Variants in NEB observed in about 807,000 individuals in gnomAD.
NEB encodes the protein nemaline myopathy type 2.
NEB carries 512 observed loss-of-function variants against 952.2 expected under a neutral mutation model. The ratio of observed to expected loss-of-function variants is 0.54; its 90% CI spans 0.50 to 0.58. The LOEUF (loss-of-function observed/expected upper bound fraction) is 0.58. Ranked by LOEUF, NEB falls within the 20% of genes least tolerant of loss-of-function variation. The pLI is 0.00. For missense variants in NEB, 8,428 were observed against 9,231.1 expected (o/e 0.91, Z 3.56); for synonymous variants, 2,900 against 3,149.8 (o/e 0.92, Z 2.66).
intron 16 of NEB, 65 bp from the exon 17 acceptor site, chr2:151,696,800 C>T: frequency 8.3e-7 from 1 of 1,204,560 alleles, no homozygotes; most frequent in Non-Finnish European, 1.2e-6. Flanking sequence ...GGCCCACAGG[C>T]CAAGCAAATA....
At chr2:151,701,333 G>C (rs1306955536) in intron 13 of NEB, among the ~76,000 whole-genome samples, 1 of 151,696 alleles carries the variant, frequency 6.6e-6, no homozygotes, top group Non-Finnish European at 1.5e-5. Flanking sequence ...TCTCTTTTTT[G>C]GTTGTGTCTC....
rs2099800930 is a variant in NEB, at chr2:151,729,655, T to C, written c.38A>G (p.Tyr13Cys). ...DDEDYEEVVEYYTEEVVYEEV... is the reference protein window; with the variant it reads ...DDEDYEEVVECYTEEVVYEEV... Reference sequence around the variant, plus strand: ...TTCGTAAACCACTTCTTCTGTGTAGTACTGTAAATAGAGCACAAAGGCATT... The same window carrying C: ...TTCGTAAACCACTTCTTCTGTGTAGCACTGTAAATAGAGCACAAAGGCATT... Residue 13 changes from tyrosine (Y) to cysteine (C), a missense_variant and splice_region_variant, in exon 4 of 182, where the codon TAC becomes TGC. By Grantham distance (194) the Tyr-to-Cys change is radical. Around this residue, in one of 11 missense-constraint regions of NEB, gnomAD observed 2,851 missense variants for 2,791.5 expected, o/e 1.02. Coordinates refer to ENST00000397345, the MANE Select transcript of NEB (RefSeq NM_001164508.2). 1 of 1,613,176 alleles carries C rather than the reference T, an allele frequency of 6.2e-7. No individual in the cohort carries two copies. The highest frequency in any genetic ancestry group is 8.5e-7 in the Non-Finnish European group (1 of 1,179,442).
chr2:151,567,253 T>A lies in NEB; in HGVS notation c.18071A>T (p.Tyr6024Phe), dbSNP rs1475522723. The part of the protein sequence containing the change: ...QGQTLVSDID[Y>F]RNYLHQWMCH... ...CATCCATTGGTGCAAGTAATTACGA[T>A]AATCAATATCACTGACAAGGGTCTG... is the stretch of plus-strand genomic sequence containing the variant. The change falls in exon 114 of 182, where the codon TAT (tyrosine) becomes TTT (phenylalanine). Residue 6024 changes from tyrosine (Y) to phenylalanine (F), a missense_variant. Physicochemically the swap from Tyr to Phe is conservative, Grantham distance 22. Coordinates refer to ENST00000397345, the MANE Select transcript of NEB (RefSeq NM_001164508.2). 2.5e-6 allele frequency: 4 copies of A among 1,613,806 alleles called. No individual in the cohort carries two copies. Among genetic ancestry groups the A allele is most frequent in the Non-Finnish European group, 3.4e-6 (4 of 1,179,830 alleles).
At chr2:151,664,921 A>G (rs994344540) in intron 42 of NEB, 58 bp from the exon 43 acceptor site, 8 of 1,222,126 alleles carry the variant, frequency 6.5e-6, no homozygotes, top group African/African-American at 1.5e-5. Flanking sequence ...ACCCAATGCT[A>G]GCAAGAGGAA....
chr2:151,541,625 G>GC, intron 135 of NEB, 74 bp from the exon 136 acceptor site: 1 of 1,166,442 alleles, frequency 8.6e-7, no homozygotes, highest in Non-Finnish European at 1.3e-6. Flanking sequence ...TGCCTTCACT[G>GC]CTTTTACATA....
chr2:151,716,426 C>G (rs777756249), intron 10 of NEB, among the ~76,000 whole-genome samples: 28 of 152,128 alleles, frequency 1.8e-4, no homozygotes, highest in Non-Finnish European at 3.1e-4. Flanking sequence ...TGTGAGCCAC[C>G]GCGCCTGGCC....
At chr2:151,682,579 A>G in intron 29 of NEB, 83 bp downstream of exon 29, 1 of 1,111,314 alleles carries the variant, frequency 9.0e-7, no homozygotes, top group Non-Finnish European at 1.3e-6. Context: ...AGAATGAAGC[A>G]ATGAAGGAGC....
chr2:151,546,999 T>C (rs1386129809), intron 133 of NEB, among the ~76,000 whole-genome samples: 1 of 152,118 alleles, frequency 6.6e-6, no homozygotes, highest in African/African-American at 2.4e-5. Context: ...AAGAACAGAT[T>C]GAATGGATTG....
At chr2:151,491,526 T>G (rs934745596) in intron 179 of NEB, 157 bp downstream of exon 179, 10 of 616,158 alleles carry the variant, frequency 1.6e-5, no homozygotes, top group Non-Finnish European at 2.8e-5. Context: ...GAAAGTAAGT[T>G]TTGCTCACTA....
intron 153 of NEB, among the ~76,000 whole-genome samples, chr2:151,522,012 T>C (rs1023118946): frequency 3.9e-5 from 6 of 152,152 alleles, no homozygotes; most frequent in Admixed American, 6.5e-5. Context: ...ATGGTGAAGC[T>C]TTTTCCCATT....
Position 151,656,683 on chromosome 2 carries a change from T to C in NEB, c.6184-219A>G, listed in dbSNP as rs553626030. 3.9e-5 allele frequency among the ~76,000 whole-genome samples: 6 copies of C among 152,228 alleles called. No individual in the cohort carries two copies. The South Asian group carries it at 1.2e-3, about 32-fold the overall frequency. On this transcript the variant is annotated intron_variant, in intron 48 of 181. Coordinates refer to ENST00000397345, the MANE Select transcript of NEB (RefSeq NM_001164508.2). Reference sequence around the variant, plus strand: ...GATAGAAAAGTTCTTATTACTCTCCTCATTTTATAGATGAATAAGCTGAGA... The same window carrying C: ...GATAGAAAAGTTCTTATTACTCTCCCCATTTTATAGATGAATAAGCTGAGA...
At position 151,519,562 on chromosome 2, in the gene NEB, T is replaced by C. The variant is rs999083880; in HGVS notation, c.22590+96A>G. 14 of 881,442 alleles carry C rather than the reference T, an allele frequency of 1.6e-5. No homozygotes were observed. In the African/African-American group the frequency reaches 1.8e-4, roughly 11 times the overall value. 54.6% of individuals were successfully genotyped at this position (881,442 alleles called of 1,614,324 possible). A position where few individuals can be genotyped will look rare whatever the true frequency, so the allele number is the denominator to read the frequency against. On this transcript the variant is annotated intron_variant, in intron 154 of 181. Transcript: ENST00000397345. ...AAATAGTGACAGTAGTTGGATAATA[T>C]TGTGAGTGTTATAAATGCTACTGAA...
At chr2:151,551,890 C>T (rs775615570) in intron 128 of NEB, 45 bp from the exon 129 acceptor site, 1 of 1,385,880 alleles carries the variant, frequency 7.2e-7, no homozygotes, top group South Asian at 1.3e-5. Context: ...GAATGGGAAC[C>T]CAGGTTCCTC....
chr2:151,500,171 G>A (rs937441160), intron 168 of NEB, among the ~76,000 whole-genome samples: 12 of 152,090 alleles, frequency 7.9e-5, no homozygotes, highest in Non-Finnish European at 1.6e-4. Flanking sequence ...AAAATTGAAG[G>A]ATTGTTAGTG....
intron 28 of NEB, among the ~76,000 whole-genome samples, chr2:151,683,422 A>C (rs528021136): frequency 2.0e-5 from 3 of 152,344 alleles, no homozygotes; most frequent in African/African-American, 7.2e-5. Context: ...AGGTGGTACC[A>C]AAAATTTACG....
At chr2:151,635,707 C>CAAAAAAAAA in intron 64 of NEB, among the ~76,000 whole-genome samples, 1 of 86,030 alleles carries the variant, frequency 1.2e-5, no homozygotes, top group African/African-American at 4.6e-5. Context: ...ACTCTGTCTC[C>CAAAAAAAAA]AAAAAAAAAA....
At chr2:151,555,439 CTG>C (rs2095589376) in intron 124 of NEB, among the ~76,000 whole-genome samples, 1 of 152,258 alleles carries the variant, frequency 6.6e-6, no homozygotes, top group Admixed American at 6.5e-5. Context: ...GAGATTAAAA[CTG>C]TGCTTAGGAA....
intron 161 of NEB, among the ~76,000 whole-genome samples, 196 bp downstream of exon 161, chr2:151,512,537 C>T (rs1275902997): frequency 1.3e-5 from 2 of 151,914 alleles, no homozygotes; most frequent in African/African-American, 4.8e-5. Context: ...TGATCTCAAA[C>T]TCGTGGACTT....
chr2:151,734,346 G>A (rs1433225227), intron 1 of NEB, 52 bp downstream of exon 1: 1 of 152,156 alleles, frequency 6.6e-6, no homozygotes, highest in Non-Finnish European at 1.5e-5. Context: ...GAGGGAAGTT[G>A]TGGAGCATCT....
Sources: allele counts gnomAD v4.1 joint callset (sites outside exome capture counted in the v4.1 genomes callset), GRCh38; gene constraint gnomAD v4.1.1; regional missense constraint gnomAD v4.1.1; transcripts MANE v1.5; gene names NCBI Gene and HGNC (gene_info 2026-07-23, HGNC 2026-07-21).